Variants in MAGI1 observed in about 807,000 individuals in gnomAD.
The protein encoded by MAGI1 is membrane-associated guanylate kinase, WW and PDZ domain-containing protein 1.
MAGI1 carries 58 observed loss-of-function variants against 139.9 expected under a neutral mutation model. That is an observed-to-expected ratio of 0.41 (90% confidence interval 0.34 to 0.52). MAGI1 has a LOEUF of 0.52. MAGI1 is among the 20% of genes least tolerant of loss of function. MAGI1 has a pLI of 0.12. For missense variants in MAGI1, 1,874 were observed against 1,901.6 expected, an observed-to-expected ratio of 0.99 and a Z score of 0.27; for synonymous variants, 812 against 737.9, an observed-to-expected ratio of 1.10 and a Z score of -1.63.
At chr3:65,404,257 G>A (rs754879585) in intron 12 of MAGI1, among the ~76,000 whole-genome samples, 1 of 152,094 alleles carries the variant, frequency 6.6e-6, no homozygotes, top group Non-Finnish European at 1.5e-5. Context: ...ATTAATTAAT[G>A]GCCCCTTCAT....
At chr3:65,604,788 C>T (rs1211973790) in intron 2 of MAGI1, among the ~76,000 whole-genome samples, 1 of 149,164 alleles carries the variant, frequency 6.7e-6, no homozygotes, top group East Asian at 2.0e-4. Context: ...ACTGGAAAAT[C>T]AAACAGCAAA....
chr3:65,707,034 AACTAAAG>A (rs1473133581), intron 1 of MAGI1, among the ~76,000 whole-genome samples: 1 of 152,198 alleles, frequency 6.6e-6, no homozygotes, highest in Non-Finnish European at 1.5e-5. Flanking sequence ...CAGTCGGATA[AACTAAAG>A]ACTTGGCAAA....
At chr3:65,594,466 T>A (rs2082096418) in intron 2 of MAGI1, among the ~76,000 whole-genome samples, 1 of 152,196 alleles carries the variant, frequency 6.6e-6, no homozygotes, top group Non-Finnish European at 1.5e-5. Context: ...TTTATAACAC[T>A]TCAAAAGCCT....
At chr3:65,611,155 A>ATT (rs2083072388) in intron 2 of MAGI1, among the ~76,000 whole-genome samples, 1 of 140,780 alleles carries the variant, frequency 7.1e-6, no homozygotes, top group Admixed American at 7.4e-5. Flanking sequence ...TAGTATATAT[A>ATT]CAGTATTCCA....
intron 2 of MAGI1, among the ~76,000 whole-genome samples, chr3:65,586,884 G>A (rs933723756): frequency 5.9e-5 from 9 of 152,030 alleles, no homozygotes; most frequent in South Asian, 2.1e-4. Context: ...TGGTATGGGC[G>A]AATGAAGGTT....
intron 1 of MAGI1, among the ~76,000 whole-genome samples, chr3:65,861,417 A>G (rs933056135): frequency 4.6e-5 from 7 of 152,132 alleles, no homozygotes; most frequent in African/African-American, 1.7e-4. Flanking sequence ...GGAGTTTGCA[A>G]TCCCTGTTTT....
At chr3:65,485,067 T>C (rs1951544781) in intron 3 of MAGI1, among the ~76,000 whole-genome samples, 1 of 152,202 alleles carries the variant, frequency 6.6e-6, no homozygotes, top group South Asian at 2.1e-4. Context: ...ATAGTGCACA[T>C]GAATTCCAGC....
chr3:65,945,975 T>G (rs2063528983), intron 1 of MAGI1, among the ~76,000 whole-genome samples: 1 of 152,230 alleles, frequency 6.6e-6, no homozygotes, highest in South Asian at 2.1e-4. Context: ...ATTAAAATAG[T>G]ATTTATTAAA....
chr3:65,530,759 A>ATATATATATACACATATATATATACG, intron 2 of MAGI1, among the ~76,000 whole-genome samples: 1 of 10,942 alleles, frequency 9.1e-5, no homozygotes, highest in East Asian at 4.2e-3. Context: ...ATATACACGT[A>ATATATATATACACATATATATATACG]TATATATATA....
chr3:66,033,542 G>A (rs2068755937), intron 1 of MAGI1, among the ~76,000 whole-genome samples: 1 of 152,098 alleles, frequency 6.6e-6, no homozygotes. Flanking sequence ...GAAAGACAAG[G>A]CCCTGTGTTT....
chr3:65,459,282 G>A (rs1156811064), intron 5 of MAGI1, among the ~76,000 whole-genome samples: 1 of 152,004 alleles, frequency 6.6e-6, no homozygotes, highest in Non-Finnish European at 1.5e-5. Flanking sequence ...TGGCTATTCT[G>A]GGTCTTTCGT....
intron 1 of MAGI1, among the ~76,000 whole-genome samples, chr3:65,676,839 G>A (rs1490054094): frequency 6.6e-6 from 1 of 152,226 alleles, no homozygotes; most frequent in East Asian, 1.9e-4. Flanking sequence ...GTGTTTTTCT[G>A]GAGGGACACT....
At position 65,439,994 on chromosome 3, in the gene MAGI1, T is replaced by G. The variant is rs71306764; in HGVS notation, c.1155A>C (p.Thr385=). ...CTTCTAGAACCGGGTTCTCATATTG[T>G]GTCTTCCTGTTGATGTGGCTGGGGA... The part of the protein sequence containing the change: ...IYYVDHINRK[T]QYENPVLEAK... Residue 385 remains threonine (T), a synonymous_variant, in exon 9 of 23, where the codon ACA becomes ACC. Coordinates refer to ENST00000402939, the MANE Select transcript of MAGI1 (RefSeq NM_001033057.2). The G allele has an allele frequency of 3.7e-6, 6 of 1,613,878 alleles. No homozygotes were observed. Among genetic ancestry groups the G allele is most frequent in the Non-Finnish European group, 5.1e-6 (6 of 1,179,990 alleles).
chr3:65,656,808 G>C (rs912604975), intron 1 of MAGI1, among the ~76,000 whole-genome samples: 3 of 151,814 alleles, frequency 2.0e-5, no homozygotes, highest in African/African-American at 7.3e-5. Context: ...GACCAGCTTG[G>C]CCAACATGGT....
At chr3:65,871,919 A>C (rs74597979) in intron 1 of MAGI1, among the ~76,000 whole-genome samples, 3,777 of 152,246 alleles carry the variant, frequency 0.025, 130 homozygotes, top group East Asian at 0.074. Context: ...TGGGTCGGTA[A>C]CAGTTCTCCA....
chr3:65,973,929 A>C (rs2065127132), intron 1 of MAGI1, among the ~76,000 whole-genome samples: 1 of 152,172 alleles, frequency 6.6e-6, no homozygotes, highest in South Asian at 2.1e-4. Flanking sequence ...GCATTACATA[A>C]TTTATAAATG....
At chr3:65,555,879 A>G (rs1473606558) in intron 2 of MAGI1, among the ~76,000 whole-genome samples, 1 of 152,130 alleles carries the variant, frequency 6.6e-6, no homozygotes, top group Non-Finnish European at 1.5e-5. Context: ...ACAAAAAACC[A>G]AACACGCTTG....
At chr3:65,731,499 A>G (rs945926195) in intron 1 of MAGI1, among the ~76,000 whole-genome samples, 1 of 150,902 alleles carries the variant, frequency 6.6e-6, no homozygotes, top group Non-Finnish European at 1.5e-5. Context: ...AAAAAAAAAA[A>G]AAAAAATTAG....
intron 1 of MAGI1, among the ~76,000 whole-genome samples, chr3:65,919,964 A>C (rs1288374429): frequency 6.6e-6 from 1 of 152,160 alleles, no homozygotes; most frequent in Non-Finnish European, 1.5e-5. Flanking sequence ...TCAGGAATGA[A>C]ATAAATCTAA....
Sources: allele counts gnomAD v4.1 joint callset (sites outside exome capture counted in the v4.1 genomes callset), GRCh38; gene constraint gnomAD v4.1.1; transcripts MANE v1.5; gene names NCBI Gene and HGNC (gene_info 2026-07-23, HGNC 2026-07-21).